The following MKLN1 variants were observed in gnomAD, a reference collection of about 807,000 sequenced individuals.
The protein encoded by MKLN1 is muskelin 1, also known as muskelin.
In MKLN1, 18 loss-of-function variants were observed where a neutral mutation model predicts 99.0. That is an observed-to-expected ratio of 0.18 (90% CI 0.13 to 0.27). The LOEUF is 0.27. MKLN1 is among the 10% of genes least tolerant of loss of function. MKLN1 has a pLI of 1.00. For synonymous variants in MKLN1, 288 were observed against 293.2 expected, an observed-to-expected ratio of 0.98 and a Z score of 0.18; for missense variants, 621 against 875.9, an observed-to-expected ratio of 0.71 and a Z score of 3.67.
At chr7:131,472,957 A>G (rs990809951) in intron 16 of MKLN1, among the ~76,000 whole-genome samples, 2 of 151,298 alleles carry the variant, frequency 1.3e-5, no homozygotes, top group Admixed American at 6.6e-5. Context: ...CAAAAAAAAA[A>G]AAAAAAAAGA....
intron 10 of MKLN1, among the ~76,000 whole-genome samples, chr7:131,441,361 C>T (rs1795833998): frequency 1.3e-5 from 2 of 152,034 alleles, no homozygotes; most frequent in African/African-American, 4.8e-5. Flanking sequence ...TCTTGTATTC[C>T]TGTGATGAGT....
At chr7:131,427,448 G>A (rs116641705) in intron 8 of MKLN1, among the ~76,000 whole-genome samples, 162 of 152,282 alleles carry the variant, frequency 1.1e-3, no homozygotes, top group African/African-American at 3.8e-3. Context: ...TTTTCGTATA[G>A]TGTTTTATTT....
intron 12 of MKLN1, among the ~76,000 whole-genome samples, chr7:131,452,655 A>T (rs1796216889): frequency 6.8e-6 from 1 of 146,244 alleles, no homozygotes. Flanking sequence ...GGTTCAAGCG[A>T]TTCTCCTGCC....
At chr7:131,399,702 C>T (rs1794474905) in intron 6 of MKLN1, among the ~76,000 whole-genome samples, 1 of 152,092 alleles carries the variant, frequency 6.6e-6, no homozygotes, top group African/African-American at 2.4e-5. Flanking sequence ...AAATGATTAA[C>T]TAGCATTAAA....
chr7:131,436,219 A>C (rs559061606), intron 9 of MKLN1, among the ~76,000 whole-genome samples: 8 of 152,204 alleles, frequency 5.3e-5, no homozygotes, highest in African/African-American at 1.9e-4. Context: ...CTTCCTGCCT[A>C]ATATTCCTTC....
At position 131,495,820 on chromosome 7, in the gene MKLN1, A is replaced by G. The variant is rs1202455394; in HGVS notation, c.*8092A>G. On this transcript the variant is annotated 3_prime_UTR_variant, in exon 18 of 18. Coordinates refer to ENST00000352689, the MANE Select transcript of MKLN1 (RefSeq NM_013255.5). ...GGAGCTGCCTTGCTCAGGTCATTGGAAATTTCAACCCTAAGACTCATTGGA... is the reference window on the plus strand; with the variant it reads ...GGAGCTGCCTTGCTCAGGTCATTGGGAATTTCAACCCTAAGACTCATTGGA... 6.6e-6 allele frequency: 1 copy of G among 152,216 alleles called. No homozygotes were observed. The highest frequency in any genetic ancestry group is 6.5e-5 in the Admixed American group (1 of 15,280). The allele number at this position is 152,216 out of a possible 1,614,324, so 9.4% of individuals were successfully genotyped here. A position where few individuals can be genotyped will look rare whatever the true frequency, so the allele number is the denominator to read the frequency against.
chr7:131,278,036 A>T (rs1797999376), intron 3 of MKLN1, among the ~76,000 whole-genome samples: 3 of 150,074 alleles, frequency 2.0e-5, no homozygotes, highest in Admixed American at 1.3e-4. Context: ...TTCCTCCTTT[A>T]TTTTATTTTA....
intron 10 of MKLN1, among the ~76,000 whole-genome samples, chr7:131,439,091 C>G (rs1300313852): frequency 6.6e-6 from 1 of 152,130 alleles, no homozygotes; most frequent in East Asian, 1.9e-4. Flanking sequence ...TCTGTTGGCT[C>G]TATTTAACTG....
chr7:131,141,577 T>A (rs879617647), intron 1 of MKLN1, among the ~76,000 whole-genome samples: 37 of 152,208 alleles, frequency 2.4e-4, no homozygotes, highest in Admixed American at 1.2e-3. Context: ...AAACTACTTT[T>A]AGTACTCACA....
intron 4 of MKLN1, among the ~76,000 whole-genome samples, chr7:131,396,314 C>T (rs1366300591): frequency 6.6e-6 from 1 of 152,108 alleles, no homozygotes; most frequent in Non-Finnish European, 1.5e-5. Context: ...CTCAAGTGAT[C>T]CTCTTGCCAC....
chr7:131,411,960 A>G (rs145836643), intron 7 of MKLN1, among the ~76,000 whole-genome samples: 2,178 of 146,070 alleles, frequency 0.015, 41 homozygotes, highest in African/African-American at 0.05. Context: ...GTTGGCAGGC[A>G]TCTGTGGTCC....
At chr7:131,368,343 C>G (rs1157579785) in intron 1 of MKLN1, among the ~76,000 whole-genome samples, 4 of 152,004 alleles carry the variant, frequency 2.6e-5, no homozygotes, top group Admixed American at 1.3e-4. Context: ...AAAAGTAGAG[C>G]CTGATTTGAT....
intron 9 of MKLN1, among the ~76,000 whole-genome samples, chr7:131,431,221 CA>C (rs11423575): frequency 1.5e-5 from 2 of 137,002 alleles, no homozygotes; most frequent in African/African-American, 2.7e-5. Flanking sequence ...GACTCTGTCT[CA>C]AAAAAAAACA....
intron 2 of MKLN1, among the ~76,000 whole-genome samples, chr7:131,199,654 A>G (rs1027536743): frequency 6.6e-6 from 1 of 152,108 alleles, no homozygotes; most frequent in African/African-American, 2.4e-5. Flanking sequence ...TACTAGTTAT[A>G]CCTCTTTTTC....
At chr7:131,449,819 TCCTTAGTTAA>T (rs545084760) in intron 12 of MKLN1, among the ~76,000 whole-genome samples, 16 of 152,276 alleles carry the variant, frequency 1.1e-4, no homozygotes, top group Middle Eastern at 3.4e-3. Flanking sequence ...TCTATTTCAG[TCCTTAGTTAA>T]CCTTAAGCAA....
At chr7:131,469,440 C>T (rs530311922) in intron 15 of MKLN1, among the ~76,000 whole-genome samples, 12 of 152,242 alleles carry the variant, frequency 7.9e-5, no homozygotes, top group Admixed American at 1.3e-4. Flanking sequence ...CTAATCAAAG[C>T]GTGGGTGCCA....
intron 3 of MKLN1, among the ~76,000 whole-genome samples, chr7:131,321,888 T>C (rs1798783541): frequency 6.6e-6 from 1 of 152,256 alleles, no homozygotes; most frequent in African/African-American, 2.4e-5. Context: ...CATTTCTATC[T>C]GATCTCAGCT....
At chr7:131,445,750 CTTT>C in intron 11 of MKLN1, 21 bp from the exon 12 acceptor site, 3 of 1,221,048 alleles carry the variant, frequency 2.5e-6, no homozygotes, top group South Asian at 1.5e-5. Context: ...TTACTCCTTT[CTTT>C]TTTTTTTTCT....
intron 15 of MKLN1, among the ~76,000 whole-genome samples, chr7:131,467,056 A>C (rs539465264): frequency 6.6e-6 from 1 of 152,278 alleles, no homozygotes; most frequent in African/African-American, 2.4e-5. Context: ...TATGGTAATA[A>C]AAATTTGCTT....
Sources: gnomAD v4.1 joint callset for allele counts (sites outside exome capture counted in the v4.1 genomes callset) on GRCh38, gnomAD v4.1.1 for gene constraint, MANE v1.5 for transcripts, NCBI Gene and HGNC (gene_info 2026-07-23, HGNC 2026-07-21) for gene names.